The following DNAJB11 variants were observed in gnomAD, a reference collection of about 807,000 sequenced individuals.
The protein encoded by DNAJB11 is dnaJ homolog subfamily B member 11.
Under a neutral mutation model 47.2 loss-of-function variants are expected in DNAJB11, and 30 were observed. The ratio of observed to expected loss-of-function variants is 0.64; its 90% CI spans 0.48 to 0.86. DNAJB11 has a LOEUF of 0.86. DNAJB11 is among the 40% of genes least tolerant of loss of function. The probability of loss-of-function intolerance (pLI) is 0.00; values close to 1 mark genes in which losing one functional copy is unlikely to be tolerated. For synonymous variants in DNAJB11, 151 were observed against 159.9 expected (o/e 0.94, Z 0.42); for missense variants, 357 against 440.2 (o/e 0.81, Z 1.69).
chr3:186,574,796 G>A (rs539273345), intron 2 of DNAJB11, among the ~76,000 whole-genome samples: 10 of 152,236 alleles, frequency 6.6e-5, no homozygotes, highest in African/African-American at 1.7e-4. Context: ...AACAAGCCCC[G>A]TCTACTTTGA....
chr3:186,583,132 G>C (rs1715544126), intron 7 of DNAJB11, among the ~76,000 whole-genome samples: 1 of 152,210 alleles, frequency 6.6e-6, no homozygotes, highest in African/African-American at 2.4e-5. Context: ...ATAATATGCA[G>C]CTTCTGTAAA....
chr3:186,575,691 A>G, intron 2 of DNAJB11, 149 bp from the exon 3 acceptor site: 1 of 523,710 alleles, frequency 1.9e-6, no homozygotes. Flanking sequence ...ATAACTTTGT[A>G]AATATGCCTT....
At chr3:186,575,368 C>CGCGCGG (rs1406330956) in intron 2 of DNAJB11, among the ~76,000 whole-genome samples, 1 of 143,358 alleles carries the variant, frequency 7.0e-6, no homozygotes, top group Non-Finnish European at 1.5e-5. Context: ...CGCGCGCGCG[C>CGCGCGG]GTGTGTGTGT....
intron 3 of DNAJB11, 55 bp downstream of exon 3, chr3:186,575,992 G>A (rs967096914): frequency 3.9e-6 from 5 of 1,287,270 alleles, no homozygotes; most frequent in South Asian, 3.6e-5. Context: ...GTCACTTAGC[G>A]ATTAAAGAAT....
intron 3 of DNAJB11, among the ~76,000 whole-genome samples, chr3:186,576,246 A>G (rs779251493): frequency 3.9e-5 from 6 of 152,208 alleles, no homozygotes; most frequent in African/African-American, 7.2e-5. Context: ...GCAATCTGCA[A>G]ACCACTTAAT....
intron 6 of DNAJB11, 73 bp from the exon 7 acceptor site, chr3:186,582,643 G>A (rs975434569): frequency 1.7e-5 from 22 of 1,258,408 alleles, no homozygotes; most frequent in Non-Finnish European, 2.3e-5. Flanking sequence ...TTAAAAAAAT[G>A]TATCAGTTGC....
intron 2 of DNAJB11, among the ~76,000 whole-genome samples, chr3:186,575,059 T>C (rs1715220198): frequency 6.6e-6 from 1 of 152,194 alleles, no homozygotes; most frequent in South Asian, 2.1e-4. Context: ...AGAGAAAGCA[T>C]ATAGTCATGA....
rs1715286280 is a variant in DNAJB11, at chr3:186,576,156, A to G, written c.323+219A>G. ...ACTGAAAGGACATTCCATCTAGCCA[A>G]CCATATCAGTTAAATCAGTGCAGAC... On this transcript the variant is annotated intron_variant, in intron 3 of 9. Coordinates refer to ENST00000265028, the MANE Select transcript of DNAJB11 (RefSeq NM_016306.6). Among the ~76,000 whole-genome samples the G allele has an allele frequency of 2.0e-5, 3 of 152,246 alleles. No individual in the cohort carries two copies. In the South Asian group the frequency reaches 6.2e-4, roughly 31 times the overall value.
chr3:186,571,037 G>GGGGGGGGGGGGC, intron 1 of DNAJB11, 72 bp downstream of exon 1: 7 of 940,388 alleles, frequency 7.4e-6, no homozygotes, highest in East Asian at 6.7e-5. Flanking sequence ...GGGGGTGGGG[G>GGGGGGGGGGGGC]AAGTGGCATT....
chr3:186,570,832 C>T lies in DNAJB11; in HGVS notation c.-66C>T. The T allele has an allele frequency of 2.7e-6, 4 of 1,507,744 alleles. No homozygotes were observed. Among genetic ancestry groups the T allele is most frequent in the East Asian group, 2.5e-5 (1 of 39,858 alleles). 93.4% of individuals were successfully genotyped at this position (1,507,744 alleles called of 1,614,324 possible). Reference sequence around the variant, plus strand: ...GGCCTCACAGGGCCGGGTGGGCTGGCGAGCCGACGCGGCGGCGGAGGAGGC... The same window carrying T: ...GGCCTCACAGGGCCGGGTGGGCTGGTGAGCCGACGCGGCGGCGGAGGAGGC... On this transcript the variant is annotated 5_prime_UTR_variant, in exon 1 of 10. Transcript: ENST00000265028.
chr3:186,580,727 G>GT (rs1269102190), intron 4 of DNAJB11: 1 of 152,202 alleles, frequency 6.6e-6, no homozygotes, highest in Non-Finnish European at 1.5e-5. Flanking sequence ...GTGATTAGAT[G>GT]TTTGACTATT....
chr3:186,574,235 G>T (rs1283676325), intron 2 of DNAJB11, among the ~76,000 whole-genome samples: 2 of 152,180 alleles, frequency 1.3e-5, no homozygotes, highest in African/African-American at 4.8e-5. Flanking sequence ...GAATAAAATT[G>T]CATTCCTTGA....
rs1339604128 is a variant in DNAJB11, at chr3:186,570,978, C to T, written c.68+13C>T. ...CGGTGATTGCCGGGTGAGGAACAGA[C>T]ACTCGCAGACAACGGGGCCTGTGGG... On this transcript the variant is annotated intron_variant, in intron 1 of 9. Transcript: ENST00000265028. The T allele has an allele frequency of 6.4e-7, 1 of 1,570,702 alleles. No homozygotes were observed. The highest frequency in any genetic ancestry group is 8.6e-7 in the Non-Finnish European group (1 of 1,158,296).
intron 2 of DNAJB11, among the ~76,000 whole-genome samples, chr3:186,575,383 G>T (rs1464632500): frequency 6.6e-6 from 1 of 151,970 alleles, no homozygotes; most frequent in African/African-American, 2.4e-5. Flanking sequence ...GTGTGTGTGT[G>T]TGTGTGTGTC....
chr3:186,570,808 G>T lies in DNAJB11; in HGVS notation c.-90G>T. The T allele has an allele frequency of 7.9e-7, 1 of 1,265,742 alleles. No individual in the cohort carries two copies. The highest frequency in any genetic ancestry group is 1.1e-6 in the Non-Finnish European group (1 of 896,036). The allele number at this position is 1,265,742 out of a possible 1,614,324, so 78.4% of individuals were successfully genotyped here. On this transcript the variant is annotated 5_prime_UTR_variant, in exon 1 of 10. Coordinates refer to ENST00000265028, the MANE Select transcript of DNAJB11 (RefSeq NM_016306.6). Reference sequence around the variant, plus strand: ...CCCCGCGCCCCCCCGGTGTGAGGCGGCCTCACAGGGCCGGGTGGGCTGGCG... The same window carrying T: ...CCCCGCGCCCCCCCGGTGTGAGGCGTCCTCACAGGGCCGGGTGGGCTGGCG...
At chr3:186,584,728 A>G (rs1171919183) in intron 9 of DNAJB11, 139 bp downstream of exon 9, 1 of 916,758 alleles carries the variant, frequency 1.1e-6, no homozygotes, top group African/African-American at 1.8e-5. Flanking sequence ...AACACTAAGG[A>G]ATGAACTCAT....
intron 9 of DNAJB11, 24 bp downstream of exon 9, chr3:186,584,613 G>GTGTGTGTGTGTGTGTGTGTT (rs747200895): frequency 2.0e-5 from 30 of 1,517,150 alleles, no homozygotes; most frequent in Non-Finnish European, 2.4e-5. Flanking sequence ...GTGTGTGTGT[G>GTGTGTGTGTGTGTGTGTGTT]TGTGTGTGTT....
chr3:186,579,115 A>G (rs1177974262), intron 4 of DNAJB11: 1 of 152,234 alleles, frequency 6.6e-6, no homozygotes, highest in Admixed American at 6.5e-5. Context: ...TTAAAATAAA[A>G]TAAGAAAGCT....
chr3:186,581,623 C>A, intron 5 of DNAJB11, 110 bp downstream of exon 5: 2 of 1,244,586 alleles, frequency 1.6e-6, no homozygotes, highest in East Asian at 2.5e-5. Context: ...TCCCCACTGC[C>A]ATGTTCTGCA....
Sources: gnomAD v4.1 joint callset for allele counts (sites outside exome capture counted in the v4.1 genomes callset) on GRCh38, gnomAD v4.1.1 for gene constraint, MANE v1.5 for transcripts, NCBI Gene and HGNC (gene_info 2026-07-23, HGNC 2026-07-21) for gene names.